Variants in SYNRG observed in about 807,000 individuals in gnomAD.
SYNRG encodes the protein AP1 gamma subunit binding protein 1.
In SYNRG, 37 loss-of-function variants were observed where a neutral mutation model predicts 130.9. That is an observed-to-expected ratio of 0.28 (90% CI 0.22 to 0.37). The LOEUF is 0.37. SYNRG is among the 10% of genes least tolerant of loss of function. The probability of loss-of-function intolerance (pLI) is 1.00; values close to 1 mark genes in which losing one functional copy is unlikely to be tolerated. For synonymous variants in SYNRG, 539 were observed against 568.1 expected, an observed-to-expected ratio of 0.95 and a Z score of 0.73; for missense variants, 1,338 against 1,588.9, an observed-to-expected ratio of 0.84 and a Z score of 2.68.
chr17:37,573,158 C>T (rs1295021961), intron 8 of SYNRG, among the ~76,000 whole-genome samples: 1 of 152,072 alleles, frequency 6.6e-6, no homozygotes, highest in East Asian at 1.9e-4. Context: ...AATCCCAGTG[C>T]TTTGGGATGC....
intron 18 of SYNRG, chr17:37,536,485 G>A (rs1201742206): frequency 4.6e-6 from 1 of 216,732 alleles, no homozygotes; most frequent in Non-Finnish European, 9.0e-6. Flanking sequence ...TATGGTAAAA[G>A]GCTTACAACA....
intron 8 of SYNRG, among the ~76,000 whole-genome samples, chr17:37,573,340 T>C (rs1365370315): frequency 6.6e-6 from 1 of 152,052 alleles, no homozygotes; most frequent in Admixed American, 6.6e-5. Context: ...GAGGCAGAGG[T>C]TGCAGTGAGC....
intron 2 of SYNRG, among the ~76,000 whole-genome samples, chr17:37,599,971 G>A (rs1415581288): frequency 6.6e-6 from 1 of 152,138 alleles, no homozygotes; most frequent in Non-Finnish European, 1.5e-5. Flanking sequence ...TGCTAGATGA[G>A]CATTAGACAG....
intron 13 of SYNRG, among the ~76,000 whole-genome samples, chr17:37,559,771 TAGC>T (rs2059389374): frequency 1.3e-5 from 2 of 152,156 alleles, no homozygotes; most frequent in Non-Finnish European, 2.9e-5. Context: ...GTTTGAGTAT[TAGC>T]AGTACATTGT....
intron 9 of SYNRG, 40 bp downstream of exon 9, chr17:37,571,747 ATATT>A (rs2060449777): frequency 2.6e-6 from 4 of 1,535,886 alleles, no homozygotes; most frequent in Non-Finnish European, 3.5e-6. Context: ...CTTGCAATTT[ATATT>A]AATAAAGTTA....
chr17:37,527,813 C>A (rs1379506580), intron 19 of SYNRG, among the ~76,000 whole-genome samples: 1 of 151,244 alleles, frequency 6.6e-6, no homozygotes, highest in African/African-American at 2.4e-5. Context: ...GGAACCAATT[C>A]CCCCCCCATG....
chr17:37,588,823 CA>C (rs2061909092), intron 3 of SYNRG, among the ~76,000 whole-genome samples: 1 of 149,940 alleles, frequency 6.7e-6, no homozygotes, highest in African/African-American at 2.5e-5. Context: ...AAAAATAAGG[CA>C]AAGTATTCTA....
chr17:37,573,195 A>G (rs895049488), intron 8 of SYNRG, among the ~76,000 whole-genome samples: 8 of 152,108 alleles, frequency 5.3e-5, no homozygotes, highest in Non-Finnish European at 1.0e-4. Flanking sequence ...CAAGGTCAGG[A>G]GTTCGAGACC....
intron 6 of SYNRG, among the ~76,000 whole-genome samples, chr17:37,583,819 C>T (rs1028397394): frequency 8.5e-5 from 13 of 152,194 alleles, no homozygotes; most frequent in Middle Eastern, 3.4e-3. Flanking sequence ...CTCAGCTTCC[C>T]GAGTAGCTGG....
In SYNRG at chr17:37,542,384, C is replaced by A. The variant is rs775939151; in HGVS notation, c.2790G>T (p.Glu930Asp). The change falls in exon 15 of 22, where the codon GAG becomes GAT. Residue 930 changes from glutamate (E) to aspartate (D), a missense_variant. Transcript: ENST00000612223. ...TGTTTTCAGAACTGCCAAATGAAGT[C>A]TCTTTCTTTTGAAGAATTGAGGTGG... ...PSATSILQKK[E>D]TSFGSSENIT... 2.5e-6 allele frequency: 4 copies of A among 1,614,174 alleles called. No individual in the cohort carries two copies. Among genetic ancestry groups the A allele is most frequent in the Non-Finnish European group, 3.4e-6 (4 of 1,180,038 alleles).
chr17:37,524,985 T>C (rs1198704626), intron 19 of SYNRG, among the ~76,000 whole-genome samples: 1 of 152,154 alleles, frequency 6.6e-6, no homozygotes, highest in African/African-American at 2.4e-5. Flanking sequence ...ACCAAAGGCA[T>C]AAGGAAAGCA....
chr17:37,592,702 T>A (rs1225723314), intron 3 of SYNRG, among the ~76,000 whole-genome samples: 1 of 152,252 alleles, frequency 6.6e-6, no homozygotes, highest in African/African-American at 2.4e-5. Flanking sequence ...ATATAACATT[T>A]TTGAAAACAC....
chr17:37,551,291 A>C (rs1285306911), intron 14 of SYNRG, among the ~76,000 whole-genome samples: 1 of 152,234 alleles, frequency 6.6e-6, no homozygotes, highest in African/African-American at 2.4e-5. Flanking sequence ...AATTTTGCAC[A>C]ACAGCAATAT....
At chr17:37,567,739 T>C (rs935750053) in intron 11 of SYNRG, 2 of 152,200 alleles carry the variant, frequency 1.3e-5, no homozygotes, top group African/African-American at 4.8e-5. Context: ...GACTAAGAGA[T>C]AATCAATTGG....
chr17:37,579,742 T>A (rs1329154245), intron 6 of SYNRG, among the ~76,000 whole-genome samples: 1 of 152,232 alleles, frequency 6.6e-6, no homozygotes. Context: ...TCTTGCTCTG[T>A]CACCTAGGCT....
intron 13 of SYNRG, among the ~76,000 whole-genome samples, chr17:37,557,781 A>G (rs2059226605): frequency 6.6e-6 from 1 of 152,110 alleles, no homozygotes; most frequent in African/African-American, 2.4e-5. Context: ...AGGAGTTGGA[A>G]GCTGCTGTGA....
chr17:37,520,637 G>A lies in SYNRG; in HGVS notation c.3678C>T (p.Asn1226=). The A allele has an allele frequency of 6.2e-7, 1 of 1,614,178 alleles. No homozygotes were observed. The highest frequency in any genetic ancestry group is 8.5e-7 in the Non-Finnish European group (1 of 1,180,024). The change falls in exon 20 of 22, where the codon AAC becomes AAT. Residue 1226 remains asparagine, a synonymous_variant. Transcript: ENST00000612223. ...ACATACAGGAGGAAAAATCCAGCGA[G>A]TTTTCATCTGGCTGTGAGGACGACA... ...MSLATLTPDE[N]SLDFSSCMLR... is the part of the protein sequence containing the mutation.
chr17:37,572,430 CAA>C (rs1406395987), intron 8 of SYNRG, among the ~76,000 whole-genome samples: 1 of 117,844 alleles, frequency 8.5e-6, no homozygotes. Context: ...GACTCCGTTT[CAA>C]AAAAAAAAAG....
At chr17:37,525,536 A>C (rs1042396481) in intron 19 of SYNRG, among the ~76,000 whole-genome samples, 1 of 152,240 alleles carries the variant, frequency 6.6e-6, no homozygotes, top group East Asian at 1.9e-4. Flanking sequence ...TAACTAAGCA[A>C]AAGTCACACG....
Sources: allele counts gnomAD v4.1 joint callset (sites outside exome capture counted in the v4.1 genomes callset), GRCh38; gene constraint gnomAD v4.1.1; transcripts MANE v1.5; gene names NCBI Gene and HGNC (gene_info 2026-07-23, HGNC 2026-07-21).